The following LRCH3 variants were observed in gnomAD, a reference collection of about 807,000 sequenced individuals.
LRCH3 encodes the protein leucine rich repeats and calponin homology domain containing 3.
LRCH3 carries 68 observed loss-of-function variants against 104.5 expected under a neutral mutation model. That is an observed-to-expected ratio of 0.65 (90% CI 0.54 to 0.80). LRCH3 has a LOEUF of 0.80. Ranked by LOEUF, LRCH3 falls within the 30% of genes least tolerant of loss-of-function variation. LRCH3 has a pLI of 0.00. For missense variants in LRCH3, 951 were observed against 953.9 expected, an observed-to-expected ratio of 1.00 and a Z score of 0.04; for synonymous variants, 344 against 361.3, an observed-to-expected ratio of 0.95 and a Z score of 0.54.
In LRCH3 at chr3:197,791,274, G is replaced by GGGA. The variant is rs774947046; in HGVS notation, c.-4_-2dup. On this transcript the variant is annotated 5_prime_UTR_variant, in exon 1 of 21. Transcript: ENST00000425562. Reference sequence around the variant, plus strand: ...CTGGCGGGCCCGAGTGTTGTCGGCTGGGAAATGGCGGCCGCGGGCTTGGTC... The same window carrying GGGA: ...CTGGCGGGCCCGAGTGTTGTCGGCTGGGAGGAAATGGCGGCCGCGGGCTTGGTC... 12 of 1,608,208 alleles carry GGGA rather than the reference G, an allele frequency of 7.5e-6. No individual in the cohort carries two copies. The African/African-American group carries it at 1.5e-4, about 20-fold the overall frequency.
chr3:197,869,297 A>G (rs945698758), intron 17 of LRCH3, among the ~76,000 whole-genome samples: 81 of 151,928 alleles, frequency 5.3e-4, no homozygotes, highest in Non-Finnish European at 7.1e-4. Flanking sequence ...CTGTACCTGC[A>G]GGAGGTAGAA....
chr3:197,798,242 C>G (rs903764922), intron 1 of LRCH3, among the ~76,000 whole-genome samples: 5 of 151,776 alleles, frequency 3.3e-5, no homozygotes, highest in Non-Finnish European at 4.4e-5. Context: ...GTATGGGCAA[C>G]AGAGTGAGAC....
At chr3:197,876,458 T>C (rs1418634156) in intron 20 of LRCH3, 1 of 152,230 alleles carries the variant, frequency 6.6e-6, no homozygotes, top group Non-Finnish European at 1.5e-5. Flanking sequence ...TAGTTAAATT[T>C]ATTTATAGAT....
intron 12 of LRCH3, chr3:197,850,549 TC>T (rs1739442820): frequency 1.3e-6 from 2 of 1,588,590 alleles, no homozygotes; most frequent in South Asian, 1.1e-5. Flanking sequence ...TATGGGTTAA[TC>T]CGACCATGAG....
At chr3:197,851,983 G>T (rs531189291) in intron 12 of LRCH3, among the ~76,000 whole-genome samples, 2 of 152,250 alleles carry the variant, frequency 1.3e-5, no homozygotes, top group East Asian at 3.9e-4. Flanking sequence ...CTCTCTTCTC[G>T]ATTTTCTCAT....
At chr3:197,876,180 C>T (rs1355695472) in intron 20 of LRCH3, 2 of 153,608 alleles carry the variant, frequency 1.3e-5, no homozygotes, top group African/African-American at 2.4e-5. Context: ...GAAAAAATAG[C>T]CTAGAGTTCC....
At chr3:197,859,196 A>G (rs994712890) in intron 15 of LRCH3, 2 of 360,278 alleles carry the variant, frequency 5.6e-6, no homozygotes, top group Non-Finnish European at 1.0e-5. Context: ...CACTTTGGTT[A>G]GTATATAATA....
intron 20 of LRCH3, chr3:197,882,341 T>C: frequency 1.0e-6 from 1 of 985,398 alleles, no homozygotes; most frequent in South Asian, 4.7e-5. Flanking sequence ...CTCAAAGTAT[T>C]TCTACAAAGT....
intron 15 of LRCH3, 38 bp from the exon 16 acceptor site, chr3:197,865,385 T>G: frequency 7.2e-7 from 1 of 1,379,768 alleles, no homozygotes; most frequent in Non-Finnish European, 1.0e-6. Flanking sequence ...TATTTCTTCT[T>G]GAATAACAAT....
chr3:197,819,725 G>GA (rs900159323), intron 3 of LRCH3, among the ~76,000 whole-genome samples: 7 of 144,974 alleles, frequency 4.8e-5, no homozygotes, highest in South Asian at 2.2e-4. Context: ...TCAAAAAAAA[G>GA]AAAAAAAAAA....
intron 20 of LRCH3, chr3:197,881,958 CTG>C (rs2109581626): frequency 7.1e-6 from 7 of 985,422 alleles, no homozygotes; most frequent in Non-Finnish European, 8.4e-6. Flanking sequence ...ACACTCAACA[CTG>C]TGATGATGAA....
At chr3:197,835,417 C>T (rs1259377382) in intron 8 of LRCH3, among the ~76,000 whole-genome samples, 3 of 148,008 alleles carry the variant, frequency 2.0e-5, no homozygotes, top group Non-Finnish European at 3.0e-5. Context: ...CTCCTGACTT[C>T]AGGTGATCCA....
intron 15 of LRCH3, among the ~76,000 whole-genome samples, chr3:197,862,233 C>T (rs1393975947): frequency 6.6e-6 from 1 of 152,132 alleles, no homozygotes; most frequent in Non-Finnish European, 1.5e-5. Flanking sequence ...TGACCTCAGG[C>T]AATCTGCCCA....
At chr3:197,850,536 A>T in intron 12 of LRCH3, 16 of 1,590,650 alleles carry the variant, frequency 1.0e-5, no homozygotes, top group Non-Finnish European at 1.4e-5. Context: ...GGGAGAGCTC[A>T]TGTATGGGTT....
At position 197,883,320 on chromosome 3, in the gene LRCH3, A is replaced by G. The variant is rs977065345; in HGVS notation, c.2209-221A>G. 6.8e-6 allele frequency: 9 copies of G among 1,317,044 alleles called. No individual in the cohort carries two copies. The highest frequency in any genetic ancestry group is 7.7e-6 in the Non-Finnish European group (8 of 1,032,448). 81.6% of individuals were successfully genotyped at this position (1,317,044 alleles called of 1,614,324 possible). On this transcript the variant is annotated intron_variant, in intron 20 of 20. Transcript: ENST00000425562. The surrounding 1 kb of genome is among the most constrained non-coding windows in gnomAD (Gnocchi z 4.2). ...ACTTGTCAATTTTCCAATTTTGAAA[A>G]TGATCTGTATGTACTTTTAGTTGTA...
chr3:197,880,659 T>C (rs1560065667), intron 20 of LRCH3: 1 of 1,536,832 alleles, frequency 6.5e-7, no homozygotes, highest in South Asian at 1.2e-5. Context: ...GGCATTTTAC[T>C]GTACTGTGAT....
chr3:197,803,201 A>G (rs1003132607), intron 1 of LRCH3, among the ~76,000 whole-genome samples: 4 of 152,218 alleles, frequency 2.6e-5, no homozygotes, highest in African/African-American at 9.6e-5. Flanking sequence ...TTTGGTAGTT[A>G]TATGTCTCAC....
intron 1 of LRCH3, among the ~76,000 whole-genome samples, chr3:197,812,526 T>TTTTTTTTTTTTTTTTTTTC: frequency 7.0e-6 from 1 of 142,158 alleles, no homozygotes; most frequent in Non-Finnish European, 1.5e-5. Context: ...TTTTTTTTTT[T>TTTTTTTTTTTTTTTTTTTC]TTTTAGGTGG....
Position 197,866,195 on chromosome 3 carries a change from G to C in LRCH3, c.1849G>C (p.Gly617Arg), listed in dbSNP as rs1741463393. The part of the protein sequence containing the change: ...QRPESFLFRA[G>R]VRAETNKGHA... The stretch of plus-strand genomic sequence containing the variant: ...CCCTGAAAGCTTCCTTTTCCGAGCA[G>C]GTGTCAGGGCAGAAACCAACAAAGG... The change falls in exon 17 of 21, where the codon GGT becomes CGT. Residue 617 changes from glycine (G) to arginine (R), a missense_variant. Physicochemically the swap from Gly to Arg is moderately radical, Grantham distance 125. Transcript: ENST00000425562. 2.5e-6 allele frequency: 4 copies of C among 1,614,062 alleles called. No individual in the cohort carries two copies. Among genetic ancestry groups the C allele is most frequent in the Non-Finnish European group, 3.4e-6 (4 of 1,179,948 alleles).
Sources: allele counts gnomAD v4.1 joint callset (sites outside exome capture counted in the v4.1 genomes callset), GRCh38; gene constraint gnomAD v4.1.1; non-coding constraint Gnocchi (gnomAD v3.1); transcripts MANE v1.5; gene names NCBI Gene and HGNC (gene_info 2026-07-23, HGNC 2026-07-21).